MEIKIN: variants seen among roughly 807,000 people sequenced by gnomAD.
MEIKIN encodes meiosis-specific kinetochore protein.
chr5:131,916,310 A>G (rs1197020837), intron 7 of MEIKIN, among the ~76,000 whole-genome samples: 1 of 152,240 alleles, frequency 6.6e-6, no homozygotes, highest in Non-Finnish European at 1.5e-5. Flanking sequence ...TTTTCTTCAG[A>G]AATTTCTCAC....
chr5:131,812,368 T>C (rs1347920180), intron 12 of MEIKIN, among the ~76,000 whole-genome samples: 1 of 152,128 alleles, frequency 6.6e-6, no homozygotes, highest in African/African-American at 2.4e-5. Flanking sequence ...ATGCTATTAA[T>C]ATTCTAGTAG....
intron 5 of MEIKIN, among the ~76,000 whole-genome samples, chr5:131,927,491 G>A (rs916399342): frequency 6.6e-5 from 10 of 152,122 alleles, no homozygotes; most frequent in South Asian, 2.1e-4. Context: ...TGTCTATAGC[G>A]CTGTTCAAGT....
chr5:131,834,326 C>A (rs958782969), intron 11 of MEIKIN, among the ~76,000 whole-genome samples: 1 of 152,148 alleles, frequency 6.6e-6, no homozygotes, highest in South Asian at 2.1e-4. Flanking sequence ...ACACAGCTTC[C>A]CTTTTTTGTT....
chr5:131,891,610 T>A (rs992913644), intron 8 of MEIKIN, among the ~76,000 whole-genome samples: 1 of 152,202 alleles, frequency 6.6e-6, no homozygotes, highest in African/African-American at 2.4e-5. Context: ...CCTATGTGTC[T>A]CTGCATGTGA....
At chr5:131,808,953 G>A (rs1772899121) in intron 12 of MEIKIN, among the ~76,000 whole-genome samples, 1 of 152,160 alleles carries the variant, frequency 6.6e-6, no homozygotes, top group African/African-American at 2.4e-5. Context: ...GCACCTGCCT[G>A]TAGTCCTAGC....
At chr5:131,913,797 A>G (rs1266713608) in intron 7 of MEIKIN, among the ~76,000 whole-genome samples, 1 of 152,220 alleles carries the variant, frequency 6.6e-6, no homozygotes, top group Non-Finnish European at 1.5e-5. Flanking sequence ...ACCACATTTA[A>G]CATTTTGCTA....
chr5:131,841,235 G>A (rs1451031578), intron 11 of MEIKIN, among the ~76,000 whole-genome samples: 2 of 152,106 alleles, frequency 1.3e-5, no homozygotes, highest in Non-Finnish European at 2.9e-5. Context: ...GAGTGGTTGC[G>A]GGGGTGAGGT....
At chr5:131,871,433 G>A (rs938604649) in intron 9 of MEIKIN, among the ~76,000 whole-genome samples, 5 of 152,208 alleles carry the variant, frequency 3.3e-5, no homozygotes, top group African/African-American at 7.2e-5. Context: ...ACTGCAAGGC[G>A]ACAGCGAGGC....
chr5:131,842,242 G>A (rs939629343), intron 11 of MEIKIN, among the ~76,000 whole-genome samples: 1 of 152,164 alleles, frequency 6.6e-6, no homozygotes, highest in Non-Finnish European at 1.5e-5. Context: ...TGGGATTACA[G>A]GTGTGAGCCA....
rs1009005922 is a variant in MEIKIN, at chr5:131,848,401, A to G, written c.975+2863T>C. 3.9e-5 allele frequency among the ~76,000 whole-genome samples: 6 copies of G among 152,298 alleles called. No individual in the cohort carries two copies. The South Asian group carries it at 1.2e-3, about 32-fold the overall frequency. Reference sequence around the variant, plus strand: ...CAAAGAGAGTATTATGAACAATTGTATATCAACAAATTTGATAACCTAGAT... The same window carrying G: ...CAAAGAGAGTATTATGAACAATTGTGTATCAACAAATTTGATAACCTAGAT... On this transcript the variant is annotated intron_variant, in intron 11 of 12. Coordinates refer to ENST00000442687, the MANE Select transcript of MEIKIN (RefSeq NM_001303622.2).
At chr5:131,890,770 G>A (rs1324027582) in intron 8 of MEIKIN, among the ~76,000 whole-genome samples, 2 of 152,146 alleles carry the variant, frequency 1.3e-5, no homozygotes, top group Non-Finnish European at 2.9e-5. Flanking sequence ...TTTTGAATGT[G>A]TTTGCTCTTG....
chr5:131,892,482 T>C (rs1414782291), intron 8 of MEIKIN, among the ~76,000 whole-genome samples: 7 of 152,228 alleles, frequency 4.6e-5, no homozygotes, highest in Non-Finnish European at 1.0e-4. Flanking sequence ...CCATCACTGA[T>C]ACCCGTTCTT....
intron 11 of MEIKIN, among the ~76,000 whole-genome samples, chr5:131,823,015 C>T (rs1404049386): frequency 1.3e-5 from 2 of 150,396 alleles, no homozygotes; most frequent in Non-Finnish European, 2.9e-5. Context: ...TATGTCATGC[C>T]ACTCTCTCCT....
chr5:131,889,696 C>T (rs925093803), intron 8 of MEIKIN, among the ~76,000 whole-genome samples: 9 of 152,076 alleles, frequency 5.9e-5, no homozygotes, highest in Admixed American at 2.0e-4. Context: ...AATTGAATAC[C>T]GTTTATTTCC....
At chr5:131,839,116 T>C (rs1749861335) in intron 11 of MEIKIN, among the ~76,000 whole-genome samples, 1 of 152,180 alleles carries the variant, frequency 6.6e-6, no homozygotes, top group Non-Finnish European at 1.5e-5. Context: ...TTTACCCAAA[T>C]GTCATTCAGG....
intron 8 of MEIKIN, among the ~76,000 whole-genome samples, chr5:131,892,988 C>T (rs1306476583): frequency 6.6e-6 from 1 of 152,144 alleles, no homozygotes; most frequent in East Asian, 1.9e-4. Context: ...CACTCCAGAC[C>T]CTGTTTGCCT....
intron 10 of MEIKIN, among the ~76,000 whole-genome samples, chr5:131,852,584 T>A (rs1038851205): frequency 1.3e-5 from 2 of 152,138 alleles, no homozygotes; most frequent in African/African-American, 4.8e-5. Flanking sequence ...TGTTATATGA[T>A]CTCATTTATA....
chr5:131,922,132 C>A (rs1473367975), intron 5 of MEIKIN, among the ~76,000 whole-genome samples, 191 bp from the exon 6 acceptor site: 1 of 152,160 alleles, frequency 6.6e-6, no homozygotes, highest in African/African-American at 2.4e-5. Flanking sequence ...TATTCTGGTT[C>A]TCTTACCCTG....
intron 8 of MEIKIN, among the ~76,000 whole-genome samples, chr5:131,899,073 C>T (rs1415587589): frequency 1.3e-5 from 2 of 152,136 alleles, no homozygotes; most frequent in African/African-American, 2.4e-5. Context: ...GACCTCTACT[C>T]TTATCTCAAT....
Sources: allele counts gnomAD v4.1 joint callset (sites outside exome capture counted in the v4.1 genomes callset), GRCh38; gene constraint gnomAD v4.1.1; transcripts MANE v1.5; gene names NCBI Gene and HGNC (gene_info 2026-07-23, HGNC 2026-07-21).